Variants in NBAS observed in about 807,000 individuals in gnomAD.
The protein encoded by NBAS is NBAS subunit of NRZ tethering complex.
A neutral mutation model predicts 302.5 loss-of-function variants in NBAS; 219 were observed. The observed-to-expected ratio is 0.72, with a 90% confidence interval of 0.65 to 0.81. The LOEUF (loss-of-function observed/expected upper bound fraction) is 0.81, where lower values mean the gene tolerates loss of function less well. Ranked by LOEUF, NBAS falls within the 30% of genes least tolerant of loss-of-function variation. The pLI is 0.00. For synonymous variants in NBAS, 1,118 were observed against 1,021.6 expected, an observed-to-expected ratio of 1.09 and a Z score of -1.80; for missense variants, 2,932 against 2,841.6, an observed-to-expected ratio of 1.03 and a Z score of -0.72.
In NBAS at chr2:15,348,403, A is replaced by G. The variant is rs75425790; in HGVS notation, c.4179+3589T>C. Among the ~76,000 whole-genome samples the G allele has an allele frequency of 8.5e-3, 1,288 of 152,296 alleles. 19 individuals carry two copies. Among genetic ancestry groups the G allele is most frequent in the East Asian group, 0.059 (305 of 5,188 alleles). ...TACTGACGGGATTTAATAGAGTAACATGTGCCCACTTGCAGTAACACAGCA... is the reference window on the plus strand; with the variant it reads ...TACTGACGGGATTTAATAGAGTAACGTGTGCCCACTTGCAGTAACACAGCA... On this transcript the variant is annotated intron_variant, in intron 35 of 51. Coordinates refer to ENST00000281513, the MANE Select transcript of NBAS (RefSeq NM_015909.4).
chr2:15,147,485 C>T, the NBAS span, among the ~76,000 whole-genome samples: 13 of 152,048 alleles, frequency 8.5e-5, no homozygotes, highest in South Asian at 2.1e-3. Flanking sequence ...CCCAGCTACT[C>T]GGGAGGCTGA....
intron 42 of NBAS, among the ~76,000 whole-genome samples, chr2:15,278,331 A>G (rs1317135681): frequency 6.6e-6 from 1 of 152,174 alleles, no homozygotes; most frequent in African/African-American, 2.4e-5. Flanking sequence ...GAATATCTCT[A>G]TCTATAAATA....
intron 51 of NBAS, among the ~76,000 whole-genome samples, chr2:15,172,454 T>C (rs1664343558): frequency 6.6e-6 from 1 of 152,230 alleles, no homozygotes; most frequent in Non-Finnish European, 1.5e-5. Context: ...GGTTGTTTTT[T>C]GTTGTATAGA....
At chr2:14,886,164 A>G in the NBAS span, among the ~76,000 whole-genome samples, 11 of 151,128 alleles carry the variant, frequency 7.3e-5, no homozygotes, top group Non-Finnish European at 1.6e-4. Flanking sequence ...ATAGGCAGGC[A>G]GGTAAGGACC....
chr2:15,196,506 A>T (rs952049574), intron 48 of NBAS, among the ~76,000 whole-genome samples: 4 of 152,180 alleles, frequency 2.6e-5, no homozygotes, highest in African/African-American at 9.6e-5. Context: ...TAAAAATCTA[A>T]ATTTTGAAAA....
intron 30 of NBAS, among the ~76,000 whole-genome samples, chr2:15,378,788 T>C (rs1347221613): frequency 6.6e-6 from 1 of 152,156 alleles, no homozygotes; most frequent in Non-Finnish European, 1.5e-5. Flanking sequence ...AGTTGAAAAA[T>C]TGGAAGTTGA....
At chr2:15,077,328 A>G in the NBAS span, among the ~76,000 whole-genome samples, 1 of 152,078 alleles carries the variant, frequency 6.6e-6, no homozygotes, top group Non-Finnish European at 1.5e-5. Flanking sequence ...CCCTCCCTCA[A>G]CTCGTGGGGA....
intron 13 of NBAS, among the ~76,000 whole-genome samples, 162 bp downstream of exon 13, chr2:15,478,064 C>G (rs998242376): frequency 5.9e-5 from 9 of 152,268 alleles, no homozygotes; most frequent in African/African-American, 1.9e-4. Context: ...GCCTGACCAT[C>G]AGAAAACTGG....
the NBAS span, among the ~76,000 whole-genome samples, chr2:14,840,526 C>A: frequency 2.6e-5 from 4 of 151,830 alleles, no homozygotes; most frequent in South Asian, 6.2e-4. Context: ...CTAAAAGCAG[C>A]GAGAGAAAAG....
At chr2:15,390,711 A>G (rs1245896698) in intron 28 of NBAS, among the ~76,000 whole-genome samples, 1 of 152,214 alleles carries the variant, frequency 6.6e-6, no homozygotes, top group Non-Finnish European at 1.5e-5. Context: ...GGTGTTGTAT[A>G]CTTTAAATAT....
At chr2:14,880,415 G>A in the NBAS span, among the ~76,000 whole-genome samples, 9 of 151,954 alleles carry the variant, frequency 5.9e-5, no homozygotes, top group Non-Finnish European at 1.2e-4. Flanking sequence ...ATACCAGCAT[G>A]AAGTAAGTTA....
At chr2:15,475,935 C>A in intron 13 of NBAS, 55 bp from the exon 14 acceptor site, 6 of 1,371,906 alleles carry the variant, frequency 4.4e-6, no homozygotes, top group Non-Finnish European at 3.0e-6. Context: ...GGTTTAAATT[C>A]AAAATATTTA....
chr2:15,354,235 T>C lies in NBAS; in HGVS notation c.3932-525A>G, dbSNP rs77303339. Reference sequence around the variant, plus strand: ...AAAGAGATATTATGATAGATCTCCATACAGAATCACTCACTTTATAGATAA... The same window carrying C: ...AAAGAGATATTATGATAGATCTCCACACAGAATCACTCACTTTATAGATAA... On this transcript the variant is annotated intron_variant, in intron 33 of 51. Coordinates refer to ENST00000281513, the MANE Select transcript of NBAS (RefSeq NM_015909.4). 7.9e-5 allele frequency among the ~76,000 whole-genome samples: 12 copies of C among 152,330 alleles called. No individual in the cohort carries two copies. The East Asian group carries it at 2.1e-3, about 27-fold the overall frequency.
chr2:15,362,542 C>T (rs558462106), intron 32 of NBAS, among the ~76,000 whole-genome samples: 1 of 152,096 alleles, frequency 6.6e-6, no homozygotes, highest in East Asian at 1.9e-4. Context: ...GATGATGTTG[C>T]ACTGAGATTC....
the NBAS span, among the ~76,000 whole-genome samples, chr2:15,000,651 T>C: frequency 2.8e-3 from 419 of 152,242 alleles, 2 homozygotes; most frequent in African/African-American, 9.7e-3. Context: ...TTCCAAGAAA[T>C]TGTGAAGGAG....
At chr2:15,309,703 A>G (rs1671192541) in intron 38 of NBAS, among the ~76,000 whole-genome samples, 1 of 152,186 alleles carries the variant, frequency 6.6e-6, no homozygotes, top group Non-Finnish European at 1.5e-5. Context: ...TGATAATATG[A>G]TTTTGTTCCT....
At chr2:15,001,002 G>A in the NBAS span, among the ~76,000 whole-genome samples, 5 of 152,196 alleles carry the variant, frequency 3.3e-5, no homozygotes, top group Admixed American at 1.3e-4. Flanking sequence ...GGGCATGAGC[G>A]TGTCTGAGTC....
intron 6 of NBAS, among the ~76,000 whole-genome samples, chr2:15,550,259 AC>A (rs1417329287): frequency 1.3e-5 from 2 of 152,152 alleles, no homozygotes; most frequent in African/African-American, 4.8e-5. Context: ...AGTGCCTCCC[AC>A]CTCCTTGCTC....
chr2:15,378,568 T>C (rs1674871219), intron 30 of NBAS, among the ~76,000 whole-genome samples: 1 of 152,224 alleles, frequency 6.6e-6, no homozygotes, highest in South Asian at 2.1e-4. Context: ...TAGCTTAGTT[T>C]AGCCTACCTT....
Sources: gnomAD v4.1 joint callset for allele counts (sites outside exome capture counted in the v4.1 genomes callset) on GRCh38, gnomAD v4.1.1 for gene constraint, MANE v1.5 for transcripts, NCBI Gene and HGNC (gene_info 2026-07-23, HGNC 2026-07-21) for gene names.